The following SEMA4A variants were observed in gnomAD, a reference collection of about 807,000 sequenced individuals.
The protein encoded by SEMA4A is semaphorin-4A.
In SEMA4A, 52 loss-of-function variants were observed where a neutral mutation model predicts 72.5. The ratio of observed to expected loss-of-function variants is 0.72; its 90% CI spans 0.57 to 0.90. The LOEUF (loss-of-function observed/expected upper bound fraction) is 0.90, where lower values mean the gene tolerates loss of function less well. Ranked by LOEUF, SEMA4A falls within the 40% of genes least tolerant of loss-of-function variation. SEMA4A has a pLI of 0.00. For missense variants in SEMA4A, 926 were observed against 959.7 expected, an observed-to-expected ratio of 0.96 and a Z score of 0.46; for synonymous variants, 369 against 393.1, an observed-to-expected ratio of 0.94 and a Z score of 0.73.
rs1225536049 is a variant in SEMA4A, at chr1:156,177,409, TC to T, written c.*414del. 1 of 283,932 alleles carries T rather than the reference TC, an allele frequency of 3.5e-6. No individual in the cohort carries two copies. Among genetic ancestry groups the T allele is most frequent in the African/African-American group, 2.2e-5 (1 of 45,828 alleles). The allele number at this position is 283,932 out of a possible 1,614,324, so 17.6% of individuals were successfully genotyped here. The stretch of plus-strand genomic sequence containing the variant: ...AAACAATCATATGCTAACATGCCAC[TC>T]CTGGAAACTCCACTCTGAAGCTGCC... On this transcript the variant is annotated 3_prime_UTR_variant, in exon 15 of 15. Transcript: ENST00000368285.
At chr1:156,173,249 T>G (rs979392781) in intron 11 of SEMA4A, among the ~76,000 whole-genome samples, 7 of 152,140 alleles carry the variant, frequency 4.6e-5, no homozygotes, top group Admixed American at 2.6e-4. Context: ...GGTGGCTTTA[T>G]CAAGAGCTGT....
chr1:156,175,300 G>T, intron 13 of SEMA4A, 57 bp downstream of exon 13: 1 of 1,552,716 alleles, frequency 6.4e-7, no homozygotes. Flanking sequence ...TTCTCAGCCA[G>T]CTTCTGCTAC....
At chr1:156,172,092 GTTTGTTTATTTA>G (rs202059798) in intron 10 of SEMA4A, among the ~76,000 whole-genome samples, 24,731 of 143,732 alleles carry the variant, frequency 0.17, 2,524 homozygotes, top group South Asian at 0.25. Context: ...CTGTTTGTTT[GTTTGTTTATTTA>G]TTTATTTATT....
chr1:156,153,994 C>T (rs1356953086), intron 1 of SEMA4A, among the ~76,000 whole-genome samples: 3 of 152,172 alleles, frequency 2.0e-5, no homozygotes, highest in Non-Finnish European at 4.4e-5. Flanking sequence ...CCTCAAAGAC[C>T]CTGAACCCAG....
intron 14 of SEMA4A, 35 bp from the exon 15 acceptor site, chr1:156,176,370 C>A: frequency 6.7e-7 from 1 of 1,490,740 alleles, no homozygotes; most frequent in Non-Finnish European, 9.3e-7. Flanking sequence ...CTTCACTTCT[C>A]CCTTAACCCT....
At chr1:156,174,197 GAT>G (rs1188288193) in intron 11 of SEMA4A, among the ~76,000 whole-genome samples, 2 of 152,190 alleles carry the variant, frequency 1.3e-5, no homozygotes, top group Admixed American at 6.5e-5. Context: ...GCTCAGGCAG[GAT>G]AACCTTGAGG....
In SEMA4A at chr1:156,177,021, C is replaced by A. The variant is rs771460202; in HGVS notation, c.*24C>A. The A allele has an allele frequency of 1.3e-6, 2 of 1,595,602 alleles. No individual in the cohort carries two copies. Among genetic ancestry groups the A allele is most frequent in the Non-Finnish European group, 1.7e-6 (2 of 1,174,114 alleles). ...AAACTCTAGGCACAGGCCGGGGCTG[C>A]GGTGCAGGCACCTGGCCATGCTGGC... On this transcript the variant is annotated 3_prime_UTR_variant, in exon 15 of 15. Coordinates refer to ENST00000368285, the MANE Select transcript of SEMA4A (RefSeq NM_022367.4).
At chr1:156,170,453 A>ACT (rs148401945) in intron 10 of SEMA4A, among the ~76,000 whole-genome samples, 45,491 of 109,952 alleles carry the variant, frequency 0.41, 10,186 homozygotes, top group African/African-American at 0.54. Context: ...ACAGAGCGAT[A>ACT]CTGTCTCAAA....
chr1:156,161,304 C>CGGTGCGG lies in SEMA4A; in HGVS notation c.811-40_811-39insTGCGGGG. ...GGGAGGACACGCGGGGCTGGGGGGT[C>CGGTGCGG]GGGGCGCCCGGGGCGCCCCCTGACT... is the stretch of plus-strand genomic sequence containing the variant. On this transcript the variant is annotated intron_variant, in intron 8 of 14. Transcript: ENST00000368285. 2.9e-6 allele frequency: 2 copies of CGGTGCGG among 689,368 alleles called. 1 individual carries two copies. Among genetic ancestry groups the CGGTGCGG allele is most frequent in the Non-Finnish European group, 4.1e-6 (2 of 487,024 alleles). 42.7% of individuals were successfully genotyped at this position (689,368 alleles called of 1,614,324 possible). A position where few individuals can be genotyped will look rare whatever the true frequency, so the allele number is the denominator to read the frequency against.
chr1:156,165,645 C>T (rs1654079015), intron 10 of SEMA4A, among the ~76,000 whole-genome samples: 1 of 151,864 alleles, frequency 6.6e-6, no homozygotes, highest in African/African-American at 2.4e-5. Context: ...GGTTTTATTT[C>T]ACTGAAATCT....
upstream of SEMA4A, among the ~76,000 whole-genome samples, chr1:156,151,784 C>T (rs370686445): frequency 1.3e-4 from 19 of 141,116 alleles, no homozygotes; most frequent in Non-Finnish European, 1.5e-5. Flanking sequence ...TGCAGTGAGC[C>T]GAGATCGCAC....
At position 156,174,802 on chromosome 1, in the gene SEMA4A, C is replaced by G; in HGVS notation, c.1316-20C>G. 1 of 1,614,156 alleles carries G rather than the reference C, an allele frequency of 6.2e-7. No individual in the cohort carries two copies. The highest frequency in any genetic ancestry group is 8.5e-7 in the Non-Finnish European group (1 of 1,180,008). On this transcript the variant is annotated intron_variant, in intron 11 of 14. Coordinates refer to ENST00000368285, the MANE Select transcript of SEMA4A (RefSeq NM_022367.4). ...TGTGGATGAGATGAGATGACTTCCA[C>G]TCTCTCTGTCTCCCCATAGCCACAG...
chr1:156,158,322 C>A (rs911150391), intron 4 of SEMA4A, 66 bp from the exon 5 acceptor site: 9 of 1,369,348 alleles, frequency 6.6e-6, no homozygotes, highest in Admixed American at 1.7e-5. Context: ...AGTGAGGGGG[C>A]AGCCTCTGGG....
Position 156,161,029 on chromosome 1 carries a change from G to A in SEMA4A, c.810G>A (p.Lys270=). 2 of 1,592,638 alleles carry A rather than the reference G, an allele frequency of 1.3e-6. No homozygotes were observed. The highest frequency in any genetic ancestry group is 1.7e-6 in the Non-Finnish European group (2 of 1,165,932). Residue 270 remains lysine (K), a splice_region_variant and synonymous_variant, in exon 8 of 15, where the codon AAG becomes AAA. Transcript: ENST00000368285. ...CATCGCGGGTGGCTAGAGTCTGCAA[G>A]GTCCGCGGCCTGGGCGGGGGGCGGG... ...LHTSRVARVC[K]NDVGGEKLLQ...
chr1:156,160,860 C>A, intron 7 of SEMA4A, 45 bp from the exon 8 acceptor site: 1 of 1,612,516 alleles, frequency 6.2e-7, no homozygotes, highest in Non-Finnish European at 8.5e-7. Flanking sequence ...AAACCCAGGG[C>A]ATGCAGGGGC....
intron 11 of SEMA4A, among the ~76,000 whole-genome samples, chr1:156,173,675 T>G (rs1655030272): frequency 6.6e-6 from 1 of 151,872 alleles, no homozygotes; most frequent in African/African-American, 2.4e-5. Flanking sequence ...TTGGTGGGTG[T>G]GCAGGCTCAG....
At chr1:156,165,385 A>T (rs1351981206) in intron 10 of SEMA4A, among the ~76,000 whole-genome samples, 1 of 147,550 alleles carries the variant, frequency 6.8e-6, no homozygotes, top group African/African-American at 2.5e-5. Context: ...CAACTATTTC[A>T]TTTTGGTGGA....
In SEMA4A at chr1:156,176,728, G is replaced by C. The variant is rs151030269; in HGVS notation, c.2017G>C (p.Ala673Pro). 1 of 1,613,104 alleles carries C rather than the reference G, an allele frequency of 6.2e-7. No individual in the cohort carries two copies. Among genetic ancestry groups the C allele is most frequent in the Non-Finnish European group, 8.5e-7 (1 of 1,179,184 alleles). ...VPLTRVSGGA[A>P]LAAQQSYWPH... ...GTTGACCAGGGTCAGTGGTGGGGCC[G>C]CCCTGGCTGCCCAGCAGTCCTACTG... Residue 673 changes from alanine (A) to proline (P), a missense_variant, in exon 15 of 15, where the codon GCC becomes CCC. Ala to Pro is a conservative substitution (Grantham distance 27, BLOSUM62 -1). Coordinates refer to ENST00000368285, the MANE Select transcript of SEMA4A (RefSeq NM_022367.4).
upstream of SEMA4A, among the ~76,000 whole-genome samples, chr1:156,150,590 G>A (rs143343954): frequency 1.0e-2 from 1,519 of 152,184 alleles, 28 homozygotes; most frequent in African/African-American, 0.035. Context: ...GAAGCCAGGA[G>A]TTGCTTCTCT....
Sources: gnomAD v4.1 joint callset for allele counts (sites outside exome capture counted in the v4.1 genomes callset) on GRCh38, gnomAD v4.1.1 for gene constraint, MANE v1.5 for transcripts, NCBI Gene and HGNC (gene_info 2026-07-23, HGNC 2026-07-21) for gene names.